Variants in ZFHX3 observed in about 807,000 individuals in gnomAD.
The protein encoded by ZFHX3 is zinc finger homeobox protein 3.
ZFHX3 carries 42 observed loss-of-function variants against 279.1 expected under a neutral mutation model. The ratio of observed to expected loss-of-function variants is 0.15; its 90% CI spans 0.12 to 0.19. The LOEUF is 0.19. Among genes scored for constraint, ZFHX3 ranks in the 10% least tolerant of loss-of-function variants. ZFHX3 has a pLI of 1.00. For synonymous variants in ZFHX3, 2,293 were observed against 1,957.8 expected (o/e 1.17, Z -4.52); for missense variants, 4,981 against 4,754.0 (o/e 1.05, Z -1.40).
intron 1 of ZFHX3, among the ~76,000 whole-genome samples, chr16:73,883,030 T>TA (rs369648811): frequency 0.19 from 28,345 of 147,732 alleles, 2,874 homozygotes; most frequent in Middle Eastern, 0.32. Context: ...TCAAGCTTTT[T>TA]AAAAAAAAAA....
At chr16:73,729,191 C>T (rs1006862314) in intron 1 of ZFHX3, among the ~76,000 whole-genome samples, 7 of 152,142 alleles carry the variant, frequency 4.6e-5, no homozygotes, top group African/African-American at 7.2e-5. Context: ...TTCACCACAC[C>T]CACTGCTGGC....
At chr16:73,121,915 A>G (rs1567393627) in intron 7 of ZFHX3, among the ~76,000 whole-genome samples, 1 of 152,148 alleles carries the variant, frequency 6.6e-6, no homozygotes, top group Admixed American at 6.5e-5. Flanking sequence ...GCACCCAGCC[A>G]TAATTGTGGT....
chr16:72,794,848 T>C lies in ZFHX3; in HGVS notation c.7834A>G (p.Asn2612Asp). 6.2e-7 allele frequency: 1 copy of C among 1,614,054 alleles called. No individual in the cohort carries two copies. Residue 2612 changes from asparagine to aspartate, a missense_variant, in exon 9 of 10, where the codon AAC becomes GAC. By Grantham distance (23) the Asn-to-Asp change is conservative. This residue lies in a region of ZFHX3 where 744 missense variants were observed against 701.3 expected (regional missense o/e 1.06). Transcript: ENST00000268489. This position sits in a 1 kb window ranked among gnomAD's most constrained non-coding sequence, Gnocchi z 4.2. ...TSPSTPTSTM[N>D]TLKRKLEEKA... ...TCCTCCAGCTTCCTCTTGAGAGTGT[T>C]CATTGTGGAGGTTGGAGTTGAAGGA...
chr16:73,507,485 C>CTTTTTTTTTTTTTTTTTT (rs752001880), intron 2 of ZFHX3, among the ~76,000 whole-genome samples: 1 of 79,762 alleles, frequency 1.3e-5, no homozygotes, highest in Non-Finnish European at 2.1e-5. Flanking sequence ...AGCTCTGCCA[C>CTTTTTTTTTTTTTTTTTT]TTTTTTTTTT....
At chr16:73,009,990 C>T (rs1963853937) in intron 1 of ZFHX3, among the ~76,000 whole-genome samples, 1 of 142,450 alleles carries the variant, frequency 7.0e-6, no homozygotes, top group Non-Finnish European at 1.5e-5. Flanking sequence ...CACTGCACTC[C>T]AGCCTGGGTT....
At chr16:73,402,849 G>A (rs551793281) in intron 3 of ZFHX3, among the ~76,000 whole-genome samples, 3 of 152,090 alleles carry the variant, frequency 2.0e-5, no homozygotes, top group East Asian at 1.9e-4. Context: ...CCTAAGGTAC[G>A]GCAGAGGGAG....
intron 3 of ZFHX3, among the ~76,000 whole-genome samples, chr16:72,934,563 A>G (rs115596811): frequency 4.0e-4 from 61 of 152,282 alleles, no homozygotes; most frequent in African/African-American, 1.3e-3. Flanking sequence ...TCACCTTTCT[A>G]TATGATTCTA....
intron 4 of ZFHX3, among the ~76,000 whole-genome samples, chr16:72,860,719 C>T (rs1490144242): frequency 1.3e-5 from 2 of 152,146 alleles, no homozygotes; most frequent in African/African-American, 4.8e-5. Flanking sequence ...TGTCAGCTAC[C>T]ACGCCCAGCC....
chr16:73,578,148 A>C (rs2051820295), intron 2 of ZFHX3, among the ~76,000 whole-genome samples: 1 of 152,200 alleles, frequency 6.6e-6, no homozygotes. Flanking sequence ...TTAAACACTC[A>C]AGCCGGTCTA....
intron 3 of ZFHX3, among the ~76,000 whole-genome samples, chr16:72,929,163 G>A (rs1233365754): frequency 6.6e-6 from 1 of 151,522 alleles, no homozygotes; most frequent in African/African-American, 2.4e-5. Context: ...TCTTGAACCT[G>A]GGAAGTGGAG....
At chr16:72,810,174 G>A (rs2036399435) in intron 7 of ZFHX3, among the ~76,000 whole-genome samples, 1 of 148,694 alleles carries the variant, frequency 6.7e-6, no homozygotes, top group South Asian at 2.1e-4. Context: ...GTGAGACACC[G>A]TGCCCAGCCT....
At chr16:73,046,187 A>T (rs1049681596) in intron 1 of ZFHX3, among the ~76,000 whole-genome samples, 3 of 152,226 alleles carry the variant, frequency 2.0e-5, no homozygotes, top group African/African-American at 7.2e-5. Flanking sequence ...GCAAACATCC[A>T]GGTATGTACC....
chr16:73,473,339 CA>C (rs11347779), intron 2 of ZFHX3, among the ~76,000 whole-genome samples: 39,481 of 77,116 alleles, frequency 0.51, 5,914 homozygotes, highest in East Asian at 0.56. Flanking sequence ...TGTCTCAAAG[CA>C]AAAAAAAAAA....
chr16:72,794,287 G>C lies in ZFHX3; in HGVS notation c.8395C>G (p.Leu2799Val), dbSNP rs1597236128. Residue 2799 changes from leucine (L) to valine (V), a missense_variant, in exon 9 of 10, where the codon CTT becomes GTT. By Grantham distance (32) the Leu-to-Val change is conservative (BLOSUM62 1). Transcript: ENST00000268489. This position sits in a 1 kb window ranked among gnomAD's most constrained non-coding sequence, Gnocchi z 4.2. ...SKTMELSPRT[L>V]LSPSSIKVEG... is the part of the protein sequence containing the mutation. ...ACCTTAATGGAGGAAGGGCTTAGAA[G>C]AGTTCTGGGTGACAATTCCATGGTT... is the stretch of plus-strand genomic sequence containing the variant. 1 of 1,613,172 alleles carries C rather than the reference G, an allele frequency of 6.2e-7. No individual in the cohort carries two copies. The highest frequency in any genetic ancestry group is 8.5e-7 in the Non-Finnish European group (1 of 1,179,456).
chr16:73,442,968 C>T (rs966642756), intron 3 of ZFHX3, among the ~76,000 whole-genome samples: 1 of 152,126 alleles, frequency 6.6e-6, no homozygotes, highest in African/African-American at 2.4e-5. Context: ...CCCAAGCTGT[C>T]CAATTTCCTC....
intron 2 of ZFHX3, among the ~76,000 whole-genome samples, chr16:73,576,175 C>T (rs936907030): frequency 5.9e-5 from 9 of 152,062 alleles, no homozygotes; most frequent in African/African-American, 1.9e-4. Context: ...AAAACAATCC[C>T]CATTTAAGCA....
At chr16:73,326,762 C>T (rs1414586707) in intron 3 of ZFHX3, among the ~76,000 whole-genome samples, 8 of 152,130 alleles carry the variant, frequency 5.3e-5, no homozygotes, top group Non-Finnish European at 8.8e-5. Context: ...ATGAATTTTA[C>T]GGTAAGTGAA....
At chr16:73,429,726 AATATGTCGACCC>A (rs1285284001) in intron 3 of ZFHX3, among the ~76,000 whole-genome samples, 1 of 152,140 alleles carries the variant, frequency 6.6e-6, no homozygotes, top group Non-Finnish European at 1.5e-5. Context: ...GATGGAACAA[AATATGTCGACCC>A]ATAGGCCCCC....
At chr16:73,160,772 C>CTTTTTTTTTT (rs200196890) in intron 5 of ZFHX3, among the ~76,000 whole-genome samples, 1 of 127,972 alleles carries the variant, frequency 7.8e-6, no homozygotes. Flanking sequence ...CTTTTCTCTT[C>CTTTTTTTTTT]TTTTTTTTTT....
Sources: allele counts gnomAD v4.1 joint callset (sites outside exome capture counted in the v4.1 genomes callset), GRCh38; gene constraint gnomAD v4.1.1; regional missense constraint gnomAD v4.1.1; non-coding constraint Gnocchi (gnomAD v3.1); transcripts MANE v1.5; gene names NCBI Gene and HGNC (gene_info 2026-07-23, HGNC 2026-07-21).